DLG2: variants seen among roughly 807,000 people sequenced by gnomAD.
The protein encoded by DLG2 is disks large homolog 2.
Under a neutral mutation model 132.5 loss-of-function variants are expected in DLG2, and 45 were observed. The observed-to-expected ratio is 0.34, with a 90% CI of 0.27 to 0.44. The LOEUF is 0.44. Ranked by LOEUF, DLG2 falls within the 20% of genes least tolerant of loss-of-function variation. The pLI, the probability that DLG2 is intolerant of heterozygous loss-of-function variation, is 1.00. For synonymous variants in DLG2, 424 were observed against 419.6 expected, an observed-to-expected ratio of 1.01 and a Z score of -0.13; for missense variants, 1,045 against 1,196.9, an observed-to-expected ratio of 0.87 and a Z score of 1.87.
chr11:85,528,026 G>A (rs1310363594), intron 3 of DLG2, among the ~76,000 whole-genome samples: 3 of 151,964 alleles, frequency 2.0e-5, no homozygotes, highest in African/African-American at 7.3e-5. Context: ...CTTTTTGATG[G>A]GATTGTTTGT....
intron 3 of DLG2, among the ~76,000 whole-genome samples, chr11:85,467,652 G>A (rs1174265833): frequency 2.0e-5 from 3 of 152,156 alleles, no homozygotes; most frequent in Non-Finnish European, 2.9e-5. Context: ...GCATCCCAGG[G>A]ATGAAGCCCA....
chr11:84,188,241 T>C (rs1283842524), intron 8 of DLG2, among the ~76,000 whole-genome samples: 4 of 152,174 alleles, frequency 2.6e-5, no homozygotes, highest in African/African-American at 9.6e-5. Flanking sequence ...AAGAAAAGCA[T>C]TTGAATACTC....
At chr11:85,376,618 A>G (rs939981913) in intron 3 of DLG2, among the ~76,000 whole-genome samples, 1 of 152,220 alleles carries the variant, frequency 6.6e-6, no homozygotes, top group Admixed American at 6.5e-5. Flanking sequence ...TTTGTAAACC[A>G]TATGAAAATA....
intron 3 of DLG2, among the ~76,000 whole-genome samples, chr11:85,383,033 T>C (rs897402312): frequency 6.6e-6 from 1 of 152,136 alleles, no homozygotes. Flanking sequence ...TATGCAAATG[T>C]TCATGGCAGT....
chr11:83,854,923 A>C (rs1306760432), intron 16 of DLG2, among the ~76,000 whole-genome samples: 1 of 152,132 alleles, frequency 6.6e-6, no homozygotes, highest in Admixed American at 6.5e-5. Context: ...CAGATAAAGA[A>C]CTATTATTAA....
chr11:85,110,707 C>A (rs2152317473), intron 6 of DLG2, among the ~76,000 whole-genome samples: 1 of 152,128 alleles, frequency 6.6e-6, no homozygotes, highest in South Asian at 2.1e-4. Context: ...TCAGGCTCCC[C>A]CAGGCTTACT....
intron 4 of DLG2, among the ~76,000 whole-genome samples, chr11:85,216,720 A>G (rs996121662): frequency 6.6e-6 from 1 of 151,882 alleles, no homozygotes; most frequent in Non-Finnish European, 1.5e-5. Flanking sequence ...TCTTGGAGAC[A>G]GAGTCTCACT....
intron 6 of DLG2, among the ~76,000 whole-genome samples, chr11:85,089,284 T>C (rs938844644): frequency 6.6e-6 from 1 of 152,094 alleles, no homozygotes; most frequent in Admixed American, 6.5e-5. Context: ...TTCTCCTCCT[T>C]CTCTCCCCAA....
chr11:84,730,831 GAA>G (rs2063067270), intron 6 of DLG2, among the ~76,000 whole-genome samples: 1 of 151,952 alleles, frequency 6.6e-6, no homozygotes, highest in Admixed American at 6.6e-5. Context: ...ACAGCAAGTT[GAA>G]TGATTACTCA....
chr11:83,712,230 T>C (rs1399594618), intron 18 of DLG2, among the ~76,000 whole-genome samples: 1 of 152,148 alleles, frequency 6.6e-6, no homozygotes, highest in Non-Finnish European at 1.5e-5. Flanking sequence ...TGCAGCACTA[T>C]TCACAATAGT....
rs577423171 is a variant in DLG2, at chr11:83,749,741, C to G, written c.1825+36949G>C. 2.5e-3 allele frequency among the ~76,000 whole-genome samples: 376 copies of G among 152,028 alleles called. 2 individuals are homozygous for G. Among genetic ancestry groups the G allele is most frequent in the South Asian group, 9.2e-3 (44 of 4,800 alleles). ...TATGCACAGCGAAGTAAGATTATTTCTTAGAAATGTGTATGTAGGGACCTA... is the reference window on the plus strand; with the variant it reads ...TATGCACAGCGAAGTAAGATTATTTGTTAGAAATGTGTATGTAGGGACCTA... On this transcript the variant is annotated intron_variant, in intron 18 of 27. Coordinates refer to ENST00000376104, the MANE Select transcript of DLG2 (RefSeq NM_001142699.3).
At chr11:85,457,781 T>C (rs972402486) in intron 3 of DLG2, among the ~76,000 whole-genome samples, 2 of 152,204 alleles carry the variant, frequency 1.3e-5, no homozygotes, top group African/African-American at 2.4e-5. Context: ...CTCTGGCTTG[T>C]AGGGTTTCTG....
intron 7 of DLG2, among the ~76,000 whole-genome samples, chr11:84,476,159 G>C (rs1041137527): frequency 2.6e-5 from 4 of 152,026 alleles, no homozygotes; most frequent in Non-Finnish European, 4.4e-5. Flanking sequence ...AGAGAAGTTA[G>C]GAAACTTGTT....
chr11:84,994,437 A>G (rs1373703767), intron 6 of DLG2, among the ~76,000 whole-genome samples: 1 of 152,192 alleles, frequency 6.6e-6, no homozygotes, highest in Non-Finnish European at 1.5e-5. Flanking sequence ...GAGAGCAGCC[A>G]ACTAGCCACT....
chr11:84,783,324 T>G (rs540030452), intron 6 of DLG2, among the ~76,000 whole-genome samples: 1 of 152,012 alleles, frequency 6.6e-6, no homozygotes, highest in South Asian at 2.1e-4. Flanking sequence ...TCTGGACAAT[T>G]TCTAAGATCC....
intron 3 of DLG2, among the ~76,000 whole-genome samples, chr11:85,299,362 C>T (rs932716656): frequency 6.6e-6 from 1 of 152,084 alleles, no homozygotes; most frequent in African/African-American, 2.4e-5. Flanking sequence ...GTTAGATTTT[C>T]TTTGTTTTGC....
chr11:84,308,542 G>A (rs192181851), intron 7 of DLG2, among the ~76,000 whole-genome samples: 1 of 152,338 alleles, frequency 6.6e-6, no homozygotes, highest in East Asian at 1.9e-4. Flanking sequence ...GTCCCCCGCC[G>A]TGCGCCCGCA....
At chr11:85,459,172 C>A (rs767767122) in intron 3 of DLG2, among the ~76,000 whole-genome samples, 2 of 152,144 alleles carry the variant, frequency 1.3e-5, no homozygotes, top group African/African-American at 4.8e-5. Flanking sequence ...AATTCAAGGA[C>A]AGCAAGGTCA....
At chr11:85,004,958 C>T (rs1468190179) in intron 6 of DLG2, among the ~76,000 whole-genome samples, 2 of 152,288 alleles carry the variant, frequency 1.3e-5, no homozygotes, top group Middle Eastern at 3.4e-3. Context: ...AGCTAGTTTT[C>T]CCAACACCAT....
Sources: gnomAD v4.1 joint callset for allele counts (sites outside exome capture counted in the v4.1 genomes callset) on GRCh38, gnomAD v4.1.1 for gene constraint, MANE v1.5 for transcripts, NCBI Gene and HGNC (gene_info 2026-07-23, HGNC 2026-07-21) for gene names.